The following RAPGEF2 variants were observed in gnomAD, a reference collection of about 807,000 sequenced individuals.
RAPGEF2 encodes the protein PDZ domain containing guanine nucleotide exchange factor (GEF) 1.
A neutral mutation model predicts 186.7 loss-of-function variants in RAPGEF2; 54 were observed. That is an observed-to-expected ratio of 0.29 (90% CI 0.23 to 0.36). RAPGEF2 has a LOEUF of 0.36. Among genes scored for constraint, RAPGEF2 ranks in the 10% least tolerant of loss-of-function variants. The probability of loss-of-function intolerance (pLI) is 1.00; values close to 1 mark genes in which losing one functional copy is unlikely to be tolerated. For missense variants in RAPGEF2, 1,532 were observed against 2,045.0 expected, an observed-to-expected ratio of 0.75 and a Z score of 4.84; for synonymous variants, 712 against 705.9, an observed-to-expected ratio of 1.01 and a Z score of -0.14.
intron 19 of RAPGEF2, among the ~76,000 whole-genome samples, chr4:159,339,559 A>G (rs1044320004): frequency 6.6e-6 from 1 of 151,968 alleles, no homozygotes; most frequent in Non-Finnish European, 1.5e-5. Flanking sequence ...CCTAACAAGG[A>G]TCTCTTAGGA....
chr4:159,252,827 C>T (rs1174967149), intron 7 of RAPGEF2, among the ~76,000 whole-genome samples: 4 of 152,138 alleles, frequency 2.6e-5, no homozygotes, highest in African/African-American at 9.7e-5. Context: ...AAATTTTTGG[C>T]TCTAATGAGC....
intron 17 of RAPGEF2, among the ~76,000 whole-genome samples, chr4:159,336,736 C>CA (rs1011357401): frequency 5.5e-4 from 78 of 142,752 alleles, no homozygotes; most frequent in African/African-American, 1.6e-3. Flanking sequence ...TTTCCATTTT[C>CA]AAAAAAAAAA....
chr4:159,149,932 C>T (rs940611529), intron 1 of RAPGEF2, among the ~76,000 whole-genome samples: 1 of 152,270 alleles, frequency 6.6e-6, no homozygotes, highest in Non-Finnish European at 1.5e-5. Context: ...GGCACTAACA[C>T]TGGTCTAAAA....
At chr4:159,280,538 C>A (rs956572574) in intron 7 of RAPGEF2, among the ~76,000 whole-genome samples, 1 of 152,218 alleles carries the variant, frequency 6.6e-6, no homozygotes, top group East Asian at 1.9e-4. Flanking sequence ...TGAAGGAGTT[C>A]GTGTCAAGTG....
At chr4:159,143,347 TCTTAGTCTTCC>T (rs1274077103) in intron 1 of RAPGEF2, among the ~76,000 whole-genome samples, 1 of 152,208 alleles carries the variant, frequency 6.6e-6, no homozygotes, top group Non-Finnish European at 1.5e-5. Flanking sequence ...TTGGTTTAGG[TCTTAGTCTTCC>T]CTAATTTGGG....
intron 2 of RAPGEF2, 66 bp from the exon 3 acceptor site, chr4:159,193,134 G>A (rs1235827770): frequency 1.1e-6 from 1 of 885,174 alleles, no homozygotes; most frequent in African/African-American, 1.7e-5. Flanking sequence ...TGTCATTTAA[G>A]GGTTTAAAAT....
chr4:159,217,601 A>G (rs1428502606), intron 4 of RAPGEF2, among the ~76,000 whole-genome samples: 2 of 152,220 alleles, frequency 1.3e-5, no homozygotes, highest in Admixed American at 6.5e-5. Flanking sequence ...TATGGTGAAT[A>G]GTGCTGAGAT....
chr4:159,239,007 CAG>C (rs1004076346), intron 5 of RAPGEF2, 123 bp downstream of exon 5: 6 of 485,254 alleles, frequency 1.2e-5, no homozygotes, highest in Admixed American at 4.0e-5. Flanking sequence ...TTTTCTATAA[CAG>C]ATATATTTAT....
intron 4 of RAPGEF2, among the ~76,000 whole-genome samples, chr4:159,224,528 T>C (rs940024339): frequency 2.6e-5 from 4 of 152,154 alleles, no homozygotes; most frequent in African/African-American, 7.2e-5. Context: ...CAGGCAGTTA[T>C]TAGATTTGCC....
chr4:159,259,196 A>G (rs931061672), intron 7 of RAPGEF2, among the ~76,000 whole-genome samples: 6 of 152,250 alleles, frequency 3.9e-5, no homozygotes, highest in African/African-American at 1.2e-4. Context: ...ACTCATTTTT[A>G]AAAATGAATT....
intron 7 of RAPGEF2, among the ~76,000 whole-genome samples, chr4:159,272,097 G>T (rs952082721): frequency 6.6e-6 from 1 of 152,070 alleles, no homozygotes; most frequent in Non-Finnish European, 1.5e-5. Flanking sequence ...CAGAAGTCCT[G>T]AACCTTGCCA....
chr4:159,131,696 G>C (rs1038390103), intron 1 of RAPGEF2, among the ~76,000 whole-genome samples: 1 of 151,520 alleles, frequency 6.6e-6, no homozygotes, highest in East Asian at 1.9e-4. Flanking sequence ...AACGTCTTTC[G>C]CGTTGTTGTG....
At chr4:159,128,246 T>G (rs1740594104) in intron 1 of RAPGEF2, among the ~76,000 whole-genome samples, 1 of 152,190 alleles carries the variant, frequency 6.6e-6, no homozygotes, top group African/African-American at 2.4e-5. Context: ...CTAATTCTAC[T>G]GAGGAAGACT....
At chr4:159,352,505 G>C in intron 26 of RAPGEF2, 180 bp from the exon 27 acceptor site, 1 of 571,682 alleles carries the variant, frequency 1.7e-6, no homozygotes, top group Non-Finnish European at 3.1e-6. Flanking sequence ...AACAACTTAA[G>C]CTTCATTAGA....
chr4:159,178,338 C>G (rs886982346), intron 1 of RAPGEF2, among the ~76,000 whole-genome samples: 3 of 152,068 alleles, frequency 2.0e-5, no homozygotes, highest in African/African-American at 7.2e-5. Context: ...TTAATCTGCT[C>G]TCAGTTCTCC....
chr4:159,179,662 G>A (rs1270191907), intron 1 of RAPGEF2, among the ~76,000 whole-genome samples: 1 of 152,118 alleles, frequency 6.6e-6, no homozygotes, highest in Non-Finnish European at 1.5e-5. Flanking sequence ...AACAACTAAG[G>A]GGAAATGAAG....
chr4:159,288,555 G>C (rs1404595329), intron 7 of RAPGEF2, among the ~76,000 whole-genome samples: 2 of 151,950 alleles, frequency 1.3e-5, no homozygotes, highest in African/African-American at 2.4e-5. Flanking sequence ...CTGCCAGAAT[G>C]ATCTTATAAA....
intron 1 of RAPGEF2, among the ~76,000 whole-genome samples, chr4:159,154,476 A>G (rs1288347862): frequency 6.7e-6 from 1 of 150,080 alleles, no homozygotes; most frequent in Admixed American, 6.6e-5. Context: ...ACACATTCTT[A>G]TGTTTTTCTC....
Position 159,274,288 on chromosome 4 carries a change from T to TA in RAPGEF2, c.544-30048dup, listed in dbSNP as rs1758562844. Among the ~76,000 whole-genome samples, 9 of 152,336 alleles carry TA rather than the reference T, an allele frequency of 5.9e-5. No individual in the cohort carries two copies. The South Asian group carries it at 1.9e-3, about 32-fold the overall frequency. ...ATGCTTACTTTATATCCCTGATTTT[T>TA]AAAAAAGTAACATTACTGTCATGTC... On this transcript the variant is annotated intron_variant, in intron 7 of 29. Transcript: ENST00000691494.
Sources: allele counts gnomAD v4.1 joint callset (sites outside exome capture counted in the v4.1 genomes callset), GRCh38; gene constraint gnomAD v4.1.1; transcripts MANE v1.5; gene names NCBI Gene and HGNC (gene_info 2026-07-23, HGNC 2026-07-21).